CLK4: variants seen among roughly 807,000 people sequenced by gnomAD.
CLK4 encodes the protein CDC like kinase 4.
Under a neutral mutation model 64.4 loss-of-function variants are expected in CLK4, and 37 were observed. That is an observed-to-expected ratio of 0.57 (90% CI 0.44 to 0.76). The LOEUF (loss-of-function observed/expected upper bound fraction) is 0.76. Among genes scored for constraint, CLK4 ranks in the 30% least tolerant of loss-of-function variants. The pLI is 0.00. For synonymous variants in CLK4, 175 were observed against 191.6 expected, an observed-to-expected ratio of 0.91 and a Z score of 0.72; for missense variants, 457 against 605.1, an observed-to-expected ratio of 0.76 and a Z score of 2.57.
intron 10 of CLK4, among the ~76,000 whole-genome samples, chr5:178,608,042 A>C (rs1764492879): frequency 6.6e-6 from 1 of 152,228 alleles, no homozygotes; most frequent in African/African-American, 2.4e-5. Flanking sequence ...GTTCATGGCC[A>C]TATTGATAGT....
Position 178,618,756 on chromosome 5 carries a change from A to G in CLK4, c.184T>C (p.Leu62=), listed in dbSNP as rs1764664393. Residue 62 remains leucine (L), a synonymous_variant, in exon 3 of 13, where the codon TTG becomes CTG. Transcript: ENST00000316308. ...CGGTCCCGATAATCTCGCTCATTCA[A>G]GGACCTTGCTTCTAAATAATGACTG... The part of the protein sequence containing the change: ...SDCHYLEARS[L]NERDYRDRRY... 5 of 1,613,316 alleles carry G rather than the reference A, an allele frequency of 3.1e-6. No individual in the cohort carries two copies. The South Asian group carries it at 4.4e-5, about 14-fold the overall frequency.
Position 178,618,674 on chromosome 5 carries a change from T to C in CLK4, c.266A>G (p.Tyr89Cys), listed in dbSNP as rs1562130063. Reference sequence around the variant, plus strand: ...ATACCCGCTTTCAATGTCTCTGTGATAATGTCTAGGAACATATCCTTCACA... The same window carrying C: ...ATACCCGCTTTCAATGTCTCTGTGACAATGTCTAGGAACATATCCTTCACA... ...DYCEGYVPRH[Y>C]HRDIESGYRI... is the part of the protein sequence containing the mutation. The change falls in exon 3 of 13, where the codon TAT (tyrosine) becomes TGT (cysteine). Residue 89 changes from tyrosine (Y) to cysteine (C), a missense_variant. Tyr to Cys is a radical substitution (Grantham distance 194, BLOSUM62 -2). Transcript: ENST00000316308. 1 of 1,614,024 alleles carries C rather than the reference T, an allele frequency of 6.2e-7. No homozygotes were observed. The highest frequency in any genetic ancestry group is 8.5e-7 in the Non-Finnish European group (1 of 1,179,922).
rs775616780 is a variant in CLK4, at chr5:178,603,889, G to A, written c.1260C>T (p.His420=). The change falls in exon 12 of 13, where the codon CAC becomes CAT. Residue 420 remains histidine (H), a synonymous_variant. Coordinates refer to ENST00000316308, the MANE Select transcript of CLK4 (RefSeq NM_020666.3). ...FHHNQLDWDE[H]SSAGRYVRRR... ...TCCTAACATATCTACCAGCAGAACT[G>A]TGTTCATCCCAATCTAGCTGGTTAT... is the stretch of plus-strand genomic sequence containing the variant. 1.2e-6 allele frequency: 2 copies of A among 1,610,160 alleles called. No individual in the cohort carries two copies. The highest frequency in any genetic ancestry group is 1.3e-5 in the African/African-American group (1 of 74,332).
In CLK4 at chr5:178,617,341, T is replaced by C. The variant is rs372448465; in HGVS notation, c.475+3A>G. 2 of 1,602,706 alleles carry C rather than the reference T, an allele frequency of 1.2e-6. No homozygotes were observed. Among genetic ancestry groups the C allele is most frequent in the African/African-American group, 2.7e-5 (2 of 74,716 alleles). On this transcript the variant is annotated splice_donor_region_variant and intron_variant, in intron 4 of 12. Transcript: ENST00000316308. This position sits in a 1 kb window ranked among gnomAD's most constrained non-coding sequence, Gnocchi z 5.2. ...TTAAAAAGTGTTGAAAAATATTCTA[T>C]ACATCTTGCTCTTAGAACGTCTCCA...
intron 7 of CLK4, 134 bp from the exon 8 acceptor site, chr5:178,613,024 G>A (rs1187604817): frequency 2.0e-6 from 1 of 511,210 alleles, no homozygotes; most frequent in African/African-American, 2.0e-5. Context: ...TGTTTTTTTA[G>A]TGACAACATT....
At position 178,617,679 on chromosome 5, in the gene CLK4, T is replaced by C. The variant is rs1764643753; in HGVS notation, c.385-245A>G. The C allele has an allele frequency of 3.3e-6, 1 of 307,226 alleles. No homozygotes were observed. Among genetic ancestry groups the C allele is most frequent in the East Asian group, 5.8e-5 (1 of 17,382 alleles). The allele number at this position is 307,226 out of a possible 1,614,324, so 19.0% of individuals were successfully genotyped here. A position where few individuals can be genotyped will look rare whatever the true frequency, so the allele number is the denominator to read the frequency against. On this transcript the variant is annotated intron_variant, in intron 3 of 12. Coordinates refer to ENST00000316308, the MANE Select transcript of CLK4 (RefSeq NM_020666.3). This position sits in a 1 kb window ranked among gnomAD's most constrained non-coding sequence, Gnocchi z 5.2. ...TCAGATAAGATACTTAAAGTGGCAA[T>C]AGAAAAAAACAACACAATTGTCTCT...
intron 5 of CLK4, among the ~76,000 whole-genome samples, chr5:178,615,940 C>T (rs1029715399): frequency 6.6e-6 from 1 of 152,154 alleles, no homozygotes; most frequent in African/African-American, 2.4e-5. Flanking sequence ...TAAGATTAGA[C>T]ATGCTTTATT....
At chr5:178,613,927 A>G (rs548668282) in intron 5 of CLK4, 84 bp from the exon 6 acceptor site, 3 of 897,980 alleles carry the variant, frequency 3.3e-6, no homozygotes, top group Non-Finnish European at 5.4e-6. Context: ...AGTCTTAATT[A>G]CCAATTCCTC....
chr5:178,613,908 C>T, intron 5 of CLK4, 65 bp from the exon 6 acceptor site: 12 of 1,177,640 alleles, frequency 1.0e-5, no homozygotes, highest in Non-Finnish European at 1.5e-5. Context: ...ATGTTATGCT[C>T]TAAAGCATAG....
At chr5:178,624,927 C>T (rs1236434644) in intron 1 of CLK4, among the ~76,000 whole-genome samples, 1 of 152,198 alleles carries the variant, frequency 6.6e-6, no homozygotes, top group African/African-American at 2.4e-5. Context: ...TTTTAATTCA[C>T]TCTCTTGCTG....
rs1764640928 is a variant in CLK4, at chr5:178,617,345, T to G, written c.474A>C (p.Arg158Ser). 3.7e-6 allele frequency: 6 copies of G among 1,606,176 alleles called. No individual in the cohort carries two copies. Among genetic ancestry groups the G allele is most frequent in the African/African-American group, 2.7e-5 (2 of 74,766 alleles). The change falls in exon 4 of 13, where the codon AGA becomes AGC. Residue 158 changes from arginine to serine, a missense_variant and splice_region_variant. By Grantham distance (110) the Arg-to-Ser change is moderately radical. Coordinates refer to ENST00000316308, the MANE Select transcript of CLK4 (RefSeq NM_020666.3). This position sits in a 1 kb window ranked among gnomAD's most constrained non-coding sequence, Gnocchi z 5.2. ...ICQSGDVLRA[R>S]YEIVDTLGEG... is the part of the protein sequence containing the mutation. Reference sequence around the variant, plus strand: ...AAAGTGTTGAAAAATATTCTATACATCTTGCTCTTAGAACGTCTCCACTTT... The same window carrying G: ...AAAGTGTTGAAAAATATTCTATACAGCTTGCTCTTAGAACGTCTCCACTTT...
intron 2 of CLK4, among the ~76,000 whole-genome samples, chr5:178,619,065 C>T (rs73351811): frequency 2.7e-3 from 413 of 152,290 alleles, no homozygotes; most frequent in African/African-American, 9.1e-3. Context: ...ATTAAGTGTT[C>T]CTTTACCTTC....
At chr5:178,625,812 A>T (rs1416350759) in intron 1 of CLK4, among the ~76,000 whole-genome samples, 1 of 152,238 alleles carries the variant, frequency 6.6e-6, no homozygotes, top group Non-Finnish European at 1.5e-5. Context: ...TTCAGCTGTT[A>T]GTCCCAGCCT....
At chr5:178,608,269 G>C (rs1764495385) in intron 10 of CLK4, 107 bp downstream of exon 10, 2 of 741,822 alleles carry the variant, frequency 2.7e-6, no homozygotes, top group Admixed American at 3.0e-5. Context: ...TTAATCTCAA[G>C]AATAATGATG....
intron 1 of CLK4, 89 bp from the exon 2 acceptor site, chr5:178,623,505 AC>A: frequency 1.8e-6 from 2 of 1,132,566 alleles, no homozygotes; most frequent in Non-Finnish European, 1.2e-6. Flanking sequence ...AGTTATCAAA[AC>A]CCAACACACA....
intron 9 of CLK4, among the ~76,000 whole-genome samples, chr5:178,609,660 G>C (rs1764526594): frequency 6.6e-6 from 1 of 150,792 alleles, no homozygotes; most frequent in East Asian, 1.9e-4. Flanking sequence ...TCTAGCCTGG[G>C]CAATAAAAGC....
chr5:178,605,169 TCCA>T (rs1764449381), intron 11 of CLK4, 131 bp downstream of exon 11: 5 of 411,392 alleles, frequency 1.2e-5, no homozygotes, highest in Non-Finnish European at 2.1e-5. Flanking sequence ...AGAAGTTACC[TCCA>T]GTACAGAAAA....
At chr5:178,620,585 C>T in intron 2 of CLK4, 1 of 455,774 alleles carries the variant, frequency 2.2e-6, no homozygotes, top group Non-Finnish European at 4.4e-6. Flanking sequence ...AAAATATCCA[C>T]TGAATGCCCA....
chr5:178,619,913 A>G (rs1250037371), intron 2 of CLK4: 4 of 598,896 alleles, frequency 6.7e-6, no homozygotes, highest in African/African-American at 5.7e-5. Flanking sequence ...GAGAGAGGGG[A>G]CACCTGCCCA....
Sources: allele counts gnomAD v4.1 joint callset (sites outside exome capture counted in the v4.1 genomes callset), GRCh38; gene constraint gnomAD v4.1.1; non-coding constraint Gnocchi (gnomAD v3.1); transcripts MANE v1.5; gene names NCBI Gene and HGNC (gene_info 2026-07-23, HGNC 2026-07-21).